Variants in GALNT13 observed in about 807,000 individuals in gnomAD.
The protein encoded by GALNT13 is UDP-GalNAc:polypeptide N-acetylgalactosaminyltransferase 13.
In GALNT13, 28 loss-of-function variants were observed where a neutral mutation model predicts 64.2. That is an observed-to-expected ratio of 0.44 (90% CI 0.32 to 0.60). GALNT13 has a LOEUF of 0.60. Ranked by LOEUF, GALNT13 falls within the 20% of genes least tolerant of loss-of-function variation. The pLI is 0.05. For missense variants in GALNT13, 577 were observed against 669.8 expected (o/e 0.86, Z 1.53); for synonymous variants, 214 against 224.6 (o/e 0.95, Z 0.42).
chr2:153,916,523 A>G (rs994829575), intron 2 of GALNT13, among the ~76,000 whole-genome samples: 4 of 71,662 alleles, frequency 5.6e-5, no homozygotes, highest in Non-Finnish European at 1.2e-4. Flanking sequence ...ATCATACAGA[A>G]CTATTCTGAT....
chr2:153,795,069 C>A, the GALNT13 span, among the ~76,000 whole-genome samples: 6 of 152,282 alleles, frequency 3.9e-5, no homozygotes, highest in South Asian at 1.2e-3. Flanking sequence ...TGGCTTTCAG[C>A]TGAGCCGGGG....
the GALNT13 span, among the ~76,000 whole-genome samples, chr2:153,121,899 C>G: frequency 6.6e-6 from 1 of 152,124 alleles, no homozygotes; most frequent in Non-Finnish European, 1.5e-5. Flanking sequence ...TAACCACTAT[C>G]TTATTTTGGT....
chr2:153,764,493 A>C, the GALNT13 span, among the ~76,000 whole-genome samples: 1 of 152,144 alleles, frequency 6.6e-6, no homozygotes, highest in African/African-American at 2.4e-5. Flanking sequence ...CCAAGATTGC[A>C]CCATTGCACT....
intron 12 of GALNT13, among the ~76,000 whole-genome samples, chr2:154,450,183 T>G (rs1701813377): frequency 6.6e-6 from 1 of 152,052 alleles, no homozygotes; most frequent in Non-Finnish European, 1.5e-5. Flanking sequence ...AGTCAGTTTC[T>G]TTAGCCATCT....
chr2:154,123,617 C>T (rs1682086788), intron 3 of GALNT13, among the ~76,000 whole-genome samples: 1 of 151,900 alleles, frequency 6.6e-6, no homozygotes, highest in African/African-American at 2.4e-5. Context: ...GGAACTCTGA[C>T]ACATTTCTAG....
the GALNT13 span, among the ~76,000 whole-genome samples, chr2:153,140,706 A>G: frequency 6.6e-6 from 1 of 152,134 alleles, no homozygotes; most frequent in Non-Finnish European, 1.5e-5. Context: ...CTTTGCCCTC[A>G]AGTAACTTTT....
At chr2:153,355,561 A>G in the GALNT13 span, among the ~76,000 whole-genome samples, 1 of 152,238 alleles carries the variant, frequency 6.6e-6, no homozygotes, top group Non-Finnish European at 1.5e-5. Flanking sequence ...AAATATATGA[A>G]TATGAAAACA....
chr2:153,584,390 G>A, the GALNT13 span, among the ~76,000 whole-genome samples: 2 of 152,166 alleles, frequency 1.3e-5, no homozygotes. Context: ...AGGAACAGAG[G>A]TTGGTCATAA....
chr2:153,418,326 G>A, the GALNT13 span, among the ~76,000 whole-genome samples: 2 of 152,188 alleles, frequency 1.3e-5, no homozygotes, highest in Non-Finnish European at 2.9e-5. Context: ...TATTAGCTCA[G>A]TGAAACTCCT....
the GALNT13 span, among the ~76,000 whole-genome samples, chr2:153,530,800 C>A: frequency 1.3e-5 from 2 of 152,124 alleles, no homozygotes; most frequent in Admixed American, 1.3e-4. Context: ...AAGACAATGT[C>A]TTCAATAAAT....
At chr2:153,209,328 A>C in the GALNT13 span, among the ~76,000 whole-genome samples, 1 of 151,640 alleles carries the variant, frequency 6.6e-6, no homozygotes, top group South Asian at 2.1e-4. Context: ...TGACATTTTG[A>C]TTTTTATTAT....
the GALNT13 span, among the ~76,000 whole-genome samples, chr2:153,430,002 A>G: frequency 2.6e-5 from 4 of 152,110 alleles, no homozygotes; most frequent in African/African-American, 9.7e-5. Flanking sequence ...TCTTACAGGG[A>G]TTGCTTTGTA....
rs1686880482 is a variant in GALNT13, at chr2:153,882,939, A to G, written c.-177+10636A>G. On this transcript the variant is annotated intron_variant, in intron 1 of 12. Coordinates refer to ENST00000392825, the MANE Select transcript of GALNT13 (RefSeq NM_052917.4). ...ACAAAAATTTTAGAACGTCTGCAACATGAAAAATAAAGAGACCAAGTTAAA... is the reference window on the plus strand; with the variant it reads ...ACAAAAATTTTAGAACGTCTGCAACGTGAAAAATAAAGAGACCAAGTTAAA... Among the ~76,000 whole-genome samples the G allele has an allele frequency of 1.3e-5, 2 of 151,420 alleles. 1 individual carries two copies. The highest frequency in any genetic ancestry group is 4.1e-4 in the South Asian group (2 of 4,828).
At chr2:154,412,858 C>T (rs1251658357) in intron 11 of GALNT13, among the ~76,000 whole-genome samples, 1 of 151,722 alleles carries the variant, frequency 6.6e-6, no homozygotes, top group Non-Finnish European at 1.5e-5. Context: ...CAAAGAATAA[C>T]AAAATTCAGC....
At chr2:153,152,012 C>A in the GALNT13 span, among the ~76,000 whole-genome samples, 2 of 151,920 alleles carry the variant, frequency 1.3e-5, no homozygotes, top group African/African-American at 4.8e-5. Flanking sequence ...AAAATGTTGG[C>A]CAACTCTGGT....
At chr2:154,093,703 T>C (rs1284373665) in intron 3 of GALNT13, among the ~76,000 whole-genome samples, 2 of 149,030 alleles carry the variant, frequency 1.3e-5, no homozygotes, top group Non-Finnish European at 3.0e-5. Flanking sequence ...CTTATGGGAA[T>C]TCCAGATGCT....
At chr2:154,247,784 A>G (rs1225084644) in intron 7 of GALNT13, among the ~76,000 whole-genome samples, 1 of 152,064 alleles carries the variant, frequency 6.6e-6, no homozygotes, top group Non-Finnish European at 1.5e-5. Flanking sequence ...ACGGCACATC[A>G]TTTTATTTTC....
At chr2:153,676,973 A>T in the GALNT13 span, among the ~76,000 whole-genome samples, 1 of 152,216 alleles carries the variant, frequency 6.6e-6, no homozygotes, top group Non-Finnish European at 1.5e-5. Context: ...GAACAAGACA[A>T]GCATGGCCAC....
At chr2:153,672,618 C>T in the GALNT13 span, among the ~76,000 whole-genome samples, 1 of 152,168 alleles carries the variant, frequency 6.6e-6, no homozygotes, top group Non-Finnish European at 1.5e-5. Flanking sequence ...CTAAAATCAG[C>T]ACCCTAACAT....
Sources: gnomAD v4.1 joint callset for allele counts (sites outside exome capture counted in the v4.1 genomes callset) on GRCh38, gnomAD v4.1.1 for gene constraint, MANE v1.5 for transcripts, NCBI Gene and HGNC (gene_info 2026-07-23, HGNC 2026-07-21) for gene names.